Variants in ANKRD36C observed in about 807,000 individuals in gnomAD.
ANKRD36C encodes the protein ankyrin repeat domain 36C.
A neutral mutation model predicts 276.4 loss-of-function variants in ANKRD36C; 61 were observed. The observed-to-expected ratio is 0.22, with a 90% CI of 0.18 to 0.27. The LOEUF is 0.27. Ranked by LOEUF, ANKRD36C falls within the 10% of genes least tolerant of loss-of-function variation. The probability of loss-of-function intolerance (pLI) is 1.00; values close to 1 mark genes in which losing one functional copy is unlikely to be tolerated. For missense variants in ANKRD36C, 1,447 were observed against 2,032.3 expected, an observed-to-expected ratio of 0.71 and a Z score of 5.54; for synonymous variants, 483 against 680.1, an observed-to-expected ratio of 0.71 and a Z score of 4.51.
intron 6 of ANKRD36C, among the ~76,000 whole-genome samples, chr2:95,963,972 A>AAT (rs1160108122): frequency 0.017 from 848 of 48,570 alleles, 5 homozygotes; most frequent in South Asian, 0.028. Flanking sequence ...TATATATATA[A>AAT]ATATATATAT....
chr2:95,971,190 G>A (rs1394412410), intron 6 of ANKRD36C, among the ~76,000 whole-genome samples: 2 of 152,028 alleles, frequency 1.3e-5, no homozygotes, highest in East Asian at 3.8e-4. Context: ...GGGGTTAGTT[G>A]TGAGGGAGGA....
chr2:95,984,433 G>T (rs1678988014), intron 3 of ANKRD36C, among the ~76,000 whole-genome samples: 1 of 152,232 alleles, frequency 6.6e-6, no homozygotes, highest in Non-Finnish European at 1.5e-5. Context: ...TCCATGTTGA[G>T]ACAATTTGTA....
At chr2:95,893,668 T>A (rs1335883241) in intron 44 of ANKRD36C, 28 bp downstream of exon 63, 2 of 1,602,370 alleles carry the variant, frequency 1.2e-6, no homozygotes, top group Non-Finnish European at 1.7e-6. Flanking sequence ...CATTAACTCG[T>A]TCACAATATA....
intron 19 of ANKRD36C, among the ~76,000 whole-genome samples, chr2:95,943,547 T>G (rs555807949): frequency 8.7e-4 from 132 of 150,862 alleles, no homozygotes; most frequent in Non-Finnish European, 1.6e-3. Context: ...TAATTTTTAT[T>G]ATTTTTTATT....
exon 63 of ANKRD36C, chr2:95,855,589 G>T: frequency 6.2e-7 from 1 of 1,610,404 alleles, no homozygotes; most frequent in Non-Finnish European, 8.5e-7. Flanking sequence ...TCCTTCATTT[G>T]ACTCTGTTTT....
At chr2:95,931,698 G>A (rs1677575487) in intron 24 of ANKRD36C, among the ~76,000 whole-genome samples, 1 of 147,438 alleles carries the variant, frequency 6.8e-6, no homozygotes, top group Non-Finnish European at 1.5e-5. Flanking sequence ...ATAATTTTTT[G>A]CAGGTATAAA....
Position 95,921,754 on chromosome 2 carries a change from T to C in ANKRD36C, c.2172+28A>G, listed in dbSNP as rs1043502606. On this transcript the variant is annotated intron_variant, in intron 33 of 66. Coordinates refer to ENST00000456556, the Ensembl canonical transcript of ANKRD36C. ...GTTTCATAGACTATAGATTCACTAG[T>C]TCACAATATAAATGAAAGTTTAATT... 1.9e-6 allele frequency: 3 copies of C among 1,597,014 alleles called. No individual in the cohort carries two copies. In the African/African-American group the frequency reaches 4.1e-5, roughly 22 times the overall value.
intron 59 of ANKRD36C, among the ~76,000 whole-genome samples, chr2:95,874,268 A>G (rs898119386): frequency 6.6e-6 from 1 of 152,200 alleles, no homozygotes. Flanking sequence ...ACGCTACCTG[A>G]CTTCAAACTA....
chr2:95,921,515 C>G, intron 34 of ANKRD36C, 92 bp downstream of exon 34: 2 of 1,505,940 alleles, frequency 1.3e-6, no homozygotes, highest in Non-Finnish European at 1.8e-6. Flanking sequence ...TTCGGCGAGC[C>G]CCCCCACCTG....
At chr2:95,872,562 C>G (rs1298176815) in intron 59 of ANKRD36C, among the ~76,000 whole-genome samples, 2 of 151,942 alleles carry the variant, frequency 1.3e-5, no homozygotes, top group Non-Finnish European at 2.9e-5. Flanking sequence ...CAAGAGAAAG[C>G]AAGAAAGATC....
At chr2:95,908,859 G>T (rs1284951558) in intron 42 of ANKRD36C, among the ~76,000 whole-genome samples, 162 bp from the exon 47 acceptor site, 1 of 151,276 alleles carries the variant, frequency 6.6e-6, no homozygotes, top group Admixed American at 6.6e-5. Context: ...ACAGAAATAC[G>T]CTGAGAAAAG....
intron 6 of ANKRD36C, among the ~76,000 whole-genome samples, chr2:95,962,752 C>T (rs1026934462): frequency 5.3e-5 from 8 of 152,102 alleles, no homozygotes; most frequent in African/African-American, 1.9e-4. Flanking sequence ...AATACACTTA[C>T]AATTTCAAAC....
chr2:95,957,936 T>A lies in ANKRD36C; in HGVS notation c.1105+655A>T, dbSNP rs538424775. Among the ~76,000 whole-genome samples the A allele has an allele frequency of 1.3e-4, 20 of 152,106 alleles. No homozygotes were observed. In the Middle Eastern group the frequency reaches 0.01, roughly 78 times the overall value. ...GATGCCCAGTAATAACAAAGAGGGG[T>A]AACAGGTGACTGTGGTTCATCACAA... On this transcript the variant is annotated intron_variant, in intron 12 of 66. Coordinates refer to ENST00000456556, the Ensembl canonical transcript of ANKRD36C.
At chr2:95,891,159 C>T (rs923351489) in intron 46 of ANKRD36C, among the ~76,000 whole-genome samples, 1 of 151,342 alleles carries the variant, frequency 6.6e-6, no homozygotes, top group African/African-American at 2.4e-5. Context: ...GCAGAAACCC[C>T]AAAATTATAT....
In ANKRD36C at chr2:95,956,547, T is replaced by G. The variant is rs1678331824; in HGVS notation, c.1136+239A>C. Among the ~76,000 whole-genome samples the G allele has an allele frequency of 2.6e-5, 4 of 152,368 alleles. No individual in the cohort carries two copies. In the East Asian group the frequency reaches 7.7e-4, roughly 29 times the overall value. On this transcript the variant is annotated intron_variant, in intron 13 of 66. Coordinates refer to ENST00000456556, the Ensembl canonical transcript of ANKRD36C. ...ATGGTCAAATCATGGGTTGGCTACC[T>G]GTTAACTGTGGAATCATGAGCCAAT... is the stretch of plus-strand genomic sequence containing the variant.
intron 6 of ANKRD36C, among the ~76,000 whole-genome samples, chr2:95,972,577 C>T (rs1026363199): frequency 6.6e-6 from 1 of 152,130 alleles, no homozygotes; most frequent in African/African-American, 2.4e-5. Flanking sequence ...CTGAGTCCTT[C>T]TAAGTGAATC....
chr2:95,974,997 G>T (rs1678776942), intron 6 of ANKRD36C, among the ~76,000 whole-genome samples: 2 of 151,832 alleles, frequency 1.3e-5, no homozygotes, highest in Non-Finnish European at 2.9e-5. Flanking sequence ...CATTTCTTAT[G>T]GCTGCATAGT....
In ANKRD36C at chr2:95,891,652, T is replaced by C; in HGVS notation, c.2857+13A>G. On this transcript the variant is annotated intron_variant, in intron 46 of 66. Transcript: ENST00000456556. Reference sequence around the variant, plus strand: ...TGCACTGAACATGACATTAAATCTCTTTTCAAAATTACCTCTCCTAGTTTT... The same window carrying C: ...TGCACTGAACATGACATTAAATCTCCTTTCAAAATTACCTCTCCTAGTTTT... The C allele has an allele frequency of 6.4e-7, 1 of 1,550,490 alleles. No individual in the cohort carries two copies. Among genetic ancestry groups the C allele is most frequent in the South Asian group, 1.2e-5 (1 of 84,566 alleles).
At chr2:95,967,603 A>G (rs1361870063) in intron 6 of ANKRD36C, among the ~76,000 whole-genome samples, 1 of 152,170 alleles carries the variant, frequency 6.6e-6, no homozygotes, top group Non-Finnish European at 1.5e-5. Flanking sequence ...ATCTAGAACC[A>G]GAAATACCAT....
Sources: allele counts gnomAD v4.1 joint callset (sites outside exome capture counted in the v4.1 genomes callset), GRCh38; gene constraint gnomAD v4.1.1; transcripts MANE v1.5; gene names NCBI Gene and HGNC (gene_info 2026-07-23, HGNC 2026-07-21).